RBFOX3: variants seen among roughly 807,000 people sequenced by gnomAD.
RBFOX3 encodes the protein RNA binding protein fox-1 homolog 3.
In RBFOX3, 17 loss-of-function variants were observed where a neutral mutation model predicts 48.7. That is an observed-to-expected ratio of 0.35 (90% confidence interval 0.24 to 0.52). The LOEUF is 0.52. Among genes scored for constraint, RBFOX3 ranks in the 20% least tolerant of loss-of-function variants. The pLI, the probability that RBFOX3 is intolerant of heterozygous loss-of-function variation, is 0.94. For synonymous variants in RBFOX3, 212 were observed against 209.5 expected, an observed-to-expected ratio of 1.01 and a Z score of -0.10; for missense variants, 382 against 497.5, an observed-to-expected ratio of 0.77 and a Z score of 2.21.
At chr17:79,558,302 A>G (rs1459928871) in intron 1 of RBFOX3, among the ~76,000 whole-genome samples, 2 of 152,126 alleles carry the variant, frequency 1.3e-5, no homozygotes, top group African/African-American at 4.8e-5. Flanking sequence ...TCAGAAAAAT[A>G]TTTGCTAACA....
intron 1 of RBFOX3, chr17:79,599,204 T>G (rs1203901234): frequency 6.6e-6 from 1 of 152,030 alleles, no homozygotes; most frequent in Non-Finnish European, 1.5e-5. Flanking sequence ...CCTGCGAACA[T>G]ACTAATATGC....
chr17:79,345,542 G>T (rs1045383843), intron 2 of RBFOX3, among the ~76,000 whole-genome samples: 1 of 152,142 alleles, frequency 6.6e-6, no homozygotes, highest in African/African-American at 2.4e-5. Flanking sequence ...ACTCATTGTG[G>T]TCTAGATTTG....
the RBFOX3 span, among the ~76,000 whole-genome samples, chr17:79,652,966 A>G: frequency 1.3e-5 from 2 of 152,296 alleles, no homozygotes; most frequent in South Asian, 4.1e-4. Context: ...GCCATATAAT[A>G]GGATCAAAAG....
intron 2 of RBFOX3, among the ~76,000 whole-genome samples, chr17:79,440,611 T>C (rs1425566100): frequency 1.3e-5 from 2 of 152,182 alleles, no homozygotes; most frequent in Non-Finnish European, 2.9e-5. Context: ...TTTTTAGCCA[T>C]GGAATCCACA....
chr17:79,477,458 A>G lies in RBFOX3; in HGVS notation c.-175+4996T>C, dbSNP rs1208639741. ...GTAGTCCCAGCTACTTGGGAGGCTG[A>G]GGCAGGAGAATGGCGTGAACCCGGG... On this transcript the variant is annotated intron_variant, in intron 2 of 14. Coordinates refer to ENST00000693108, the MANE Select transcript of RBFOX3 (RefSeq NM_001350451.2). The surrounding 1 kb of genome is among the most constrained non-coding windows in gnomAD (Gnocchi z 4.8). Among the ~76,000 whole-genome samples, 4 of 151,840 alleles carry G rather than the reference A, an allele frequency of 2.6e-5. No homozygotes were observed. The highest frequency in any genetic ancestry group is 4.4e-5 in the Non-Finnish European group (3 of 67,954).
intron 4 of RBFOX3, among the ~76,000 whole-genome samples, chr17:79,162,361 C>G (rs1162801025): frequency 6.6e-6 from 1 of 152,188 alleles, no homozygotes; most frequent in Non-Finnish European, 1.5e-5. Context: ...AGACGTCGGA[C>G]AAGGCCGCCC....
chr17:79,233,899 G>A (rs2061332932), intron 4 of RBFOX3: 1 of 152,292 alleles, frequency 6.6e-6, no homozygotes. Context: ...GAGCCACCGC[G>A]CCCGGCCCGG....
intron 1 of RBFOX3, among the ~76,000 whole-genome samples, chr17:79,511,820 T>C (rs34087900): frequency 0.51 from 59,689 of 116,604 alleles, 13,431 homozygotes; most frequent in East Asian, 0.69. Context: ...GAGACACACA[T>C]CCGGATACAC....
chr17:79,591,073 G>A (rs1490627694), intron 1 of RBFOX3, among the ~76,000 whole-genome samples: 1 of 152,168 alleles, frequency 6.6e-6, no homozygotes, highest in Non-Finnish European at 1.5e-5. Flanking sequence ...AGCTGTCGCC[G>A]CCCCTTCCTC....
At chr17:79,248,090 G>C (rs1248233043) in intron 3 of RBFOX3, among the ~76,000 whole-genome samples, 1 of 152,234 alleles carries the variant, frequency 6.6e-6, no homozygotes, top group Non-Finnish European at 1.5e-5. Context: ...TGGGCTGTGG[G>C]TTTCACCCAA....
Position 79,471,183 on chromosome 17 carries a change from G to T in RBFOX3, c.-175+11271C>A, listed in dbSNP as rs2077014623. ...GTCCTGGGTCCCCAGCACCCCTCCTGCTGGAAGAGGCCAGGACACACGAAG... is the reference window on the plus strand; with the variant it reads ...GTCCTGGGTCCCCAGCACCCCTCCTTCTGGAAGAGGCCAGGACACACGAAG... On this transcript the variant is annotated intron_variant, in intron 2 of 14. Coordinates refer to ENST00000693108, the MANE Select transcript of RBFOX3 (RefSeq NM_001350451.2). The surrounding 1 kb of genome is among the most constrained non-coding windows in gnomAD (Gnocchi z 4.0). Among the ~76,000 whole-genome samples, 1 of 152,148 alleles carries T rather than the reference G, an allele frequency of 6.6e-6. No homozygotes were observed. Among genetic ancestry groups the T allele is most frequent in the Non-Finnish European group, 1.5e-5 (1 of 68,014 alleles).
Position 79,423,688 on chromosome 17 carries a change from AG to A in RBFOX3, c.-175+58765del, listed in dbSNP as rs1271328856. 6.5e-6 allele frequency: 1 copy of A among 153,484 alleles called. No individual in the cohort carries two copies. The highest frequency in any genetic ancestry group is 2.4e-5 in the African/African-American group (1 of 41,354). 9.5% of individuals were successfully genotyped at this position (153,484 alleles called of 1,614,324 possible). On this transcript the variant is annotated intron_variant, in intron 2 of 14. Transcript: ENST00000693108. This position sits in a 1 kb window ranked among gnomAD's most constrained non-coding sequence, Gnocchi z 4.9. ...CCCGACCACCCCGTGCCCACAGACA[AG>A]GTCAGCTCAATACATACTTGTTCAA...
At chr17:79,288,838 T>C (rs1017954128) in intron 3 of RBFOX3, among the ~76,000 whole-genome samples, 14 of 151,422 alleles carry the variant, frequency 9.2e-5, no homozygotes, top group African/African-American at 3.2e-4. Flanking sequence ...AGTTCATCAG[T>C]GAGGTAATAG....
At chr17:79,244,426 T>C (rs1173124728) in intron 3 of RBFOX3, among the ~76,000 whole-genome samples, 1 of 152,212 alleles carries the variant, frequency 6.6e-6, no homozygotes, top group Non-Finnish European at 1.5e-5. Context: ...ACTTCTGTTG[T>C]ATGAAGCCTC....
intron 2 of RBFOX3, among the ~76,000 whole-genome samples, chr17:79,396,357 G>A (rs991338529): frequency 7.9e-5 from 12 of 152,180 alleles, no homozygotes; most frequent in Non-Finnish European, 1.5e-4. Context: ...CTGCCCACGA[G>A]GACTCTTGCT....
chr17:79,170,860 G>A (rs893836702), intron 4 of RBFOX3, among the ~76,000 whole-genome samples: 2 of 152,082 alleles, frequency 1.3e-5, no homozygotes, highest in South Asian at 4.2e-4. Context: ...CTCGCACCCC[G>A]GGTACCAGGT....
At chr17:79,235,399 A>G (rs2061518385) in intron 4 of RBFOX3, 1 of 148,702 alleles carries the variant, frequency 6.7e-6, no homozygotes, top group African/African-American at 2.5e-5. Context: ...GGGGTGGGGG[A>G]CCTTGGGGTT....
At chr17:79,635,595 T>G in the RBFOX3 span, among the ~76,000 whole-genome samples, 57 of 152,244 alleles carry the variant, frequency 3.7e-4, 1 homozygote, top group East Asian at 9.1e-3. Context: ...AAGGAAAAAC[T>G]TCTGGCTAAA....
chr17:79,427,773 G>A (rs1555726355), intron 2 of RBFOX3, among the ~76,000 whole-genome samples: 1 of 152,210 alleles, frequency 6.6e-6, no homozygotes, highest in Admixed American at 6.5e-5. Flanking sequence ...ACCTGCACAC[G>A]CACAGATGCG....
Sources: gnomAD v4.1 joint callset for allele counts (sites outside exome capture counted in the v4.1 genomes callset) on GRCh38, gnomAD v4.1.1 for gene constraint, Gnocchi (gnomAD v3.1) non-coding constraint, MANE v1.5 for transcripts, NCBI Gene and HGNC (gene_info 2026-07-23, HGNC 2026-07-21) for gene names.